The following GRM7 variants were observed in gnomAD, a reference collection of about 807,000 sequenced individuals.
GRM7 encodes glutamate metabotropic receptor 7.
A neutral mutation model predicts 84.5 loss-of-function variants in GRM7; 35 were observed. The observed-to-expected ratio is 0.41, with a 90% CI of 0.32 to 0.55. GRM7 has a LOEUF of 0.55. Among genes scored for constraint, GRM7 ranks in the 20% least tolerant of loss-of-function variants. The probability of loss-of-function intolerance (pLI) is 0.19; values close to 1 mark genes in which losing one functional copy is unlikely to be tolerated. For synonymous variants in GRM7, 487 were observed against 455.1 expected, an observed-to-expected ratio of 1.07 and a Z score of -0.89; for missense variants, 1,003 against 1,194.6, an observed-to-expected ratio of 0.84 and a Z score of 2.36.
At chr3:7,637,933 A>C (rs1169613393) in intron 8 of GRM7, among the ~76,000 whole-genome samples, 1 of 152,222 alleles carries the variant, frequency 6.6e-6, no homozygotes, top group East Asian at 1.9e-4. Context: ...CAGCAGACTC[A>C]GTAAGCTGTG....
intron 5 of GRM7, among the ~76,000 whole-genome samples, chr3:7,445,451 G>A (rs1362302941): frequency 6.6e-6 from 1 of 152,148 alleles, no homozygotes; most frequent in Non-Finnish European, 1.5e-5. Flanking sequence ...GCTTCCACAG[G>A]ACCTGGTGCA....
intron 4 of GRM7, among the ~76,000 whole-genome samples, chr3:7,340,267 T>G (rs1008330721): frequency 1.3e-5 from 2 of 152,170 alleles, no homozygotes; most frequent in African/African-American, 4.8e-5. Flanking sequence ...CACACTGCTA[T>G]TAAGAACTGC....
intron 1 of GRM7, among the ~76,000 whole-genome samples, chr3:6,949,981 T>C (rs12487884): frequency 0.23 from 35,084 of 151,954 alleles, 4,174 homozygotes; most frequent in Non-Finnish European, 0.26. Flanking sequence ...AAGTTTTTAA[T>C]TTCTTTGCCG....
chr3:6,939,705 C>T (rs1213435859), intron 1 of GRM7, among the ~76,000 whole-genome samples: 1 of 152,120 alleles, frequency 6.6e-6, no homozygotes, highest in East Asian at 1.9e-4. Flanking sequence ...CCTCAAATCC[C>T]ATCATTATCC....
At chr3:7,410,840 A>G (rs1036630673) in intron 4 of GRM7, among the ~76,000 whole-genome samples, 2 of 152,198 alleles carry the variant, frequency 1.3e-5, no homozygotes, top group African/African-American at 2.4e-5. Context: ...ACTAAGGTGT[A>G]TTCCTTTCCT....
intron 2 of GRM7, among the ~76,000 whole-genome samples, chr3:7,258,130 G>T (rs1164464650): frequency 1.3e-5 from 2 of 152,118 alleles, no homozygotes; most frequent in Non-Finnish European, 2.9e-5. Flanking sequence ...CAAAGTCTAT[G>T]ATTTAACCAT....
At chr3:7,150,496 C>T (rs1694251142) in intron 2 of GRM7, among the ~76,000 whole-genome samples, 1 of 152,072 alleles carries the variant, frequency 6.6e-6, no homozygotes, top group Non-Finnish European at 1.5e-5. Flanking sequence ...TCAAAGACAA[C>T]CTCAATACTT....
chr3:7,350,319 G>A (rs1478348903), intron 4 of GRM7, among the ~76,000 whole-genome samples: 1 of 152,074 alleles, frequency 6.6e-6, no homozygotes, highest in African/African-American at 2.4e-5. Flanking sequence ...CTGGTGGGAG[G>A]TGATTGGATC....
chr3:7,238,896 C>T lies in GRM7; in HGVS notation c.737-59788C>T, dbSNP rs182464969. On this transcript the variant is annotated intron_variant, in intron 2 of 9. Coordinates refer to ENST00000357716, the MANE Select transcript of GRM7 (RefSeq NM_000844.4). ...CTTCCCTTCTTTTCTCCTTTCCTTTCCTTTCTTTTTTCTTCTCTTTTCCTT... is the reference window on the plus strand; with the variant it reads ...CTTCCCTTCTTTTCTCCTTTCCTTTTCTTTCTTTTTTCTTCTCTTTTCCTT... 4.6e-3 allele frequency among the ~76,000 whole-genome samples: 690 copies of T among 149,666 alleles called. 5 individuals carry two copies. Among genetic ancestry groups the T allele is most frequent in the African/African-American group, 0.015 (608 of 40,786 alleles).
intron 2 of GRM7, among the ~76,000 whole-genome samples, chr3:7,225,641 A>C (rs1007087813): frequency 2.6e-5 from 4 of 150,980 alleles, no homozygotes; most frequent in Non-Finnish European, 4.4e-5. Flanking sequence ...AATTAAATTA[A>C]TTGTAAATGG....
rs536872502 is a variant in GRM7, at chr3:7,074,796, T to C, written c.520-71656T>C. 9.2e-5 allele frequency among the ~76,000 whole-genome samples: 14 copies of C among 152,332 alleles called. No individual in the cohort carries two copies. In the South Asian group the frequency reaches 2.9e-3, roughly 32 times the overall value. On this transcript the variant is annotated intron_variant, in intron 1 of 9. Transcript: ENST00000357716. ...TTAGTTGCAGATATGATTTTTGGAA[T>C]GGTTTTAATATCTACCTAGTAGGAT...
intron 9 of GRM7, among the ~76,000 whole-genome samples, chr3:7,708,135 T>C (rs1474819863): frequency 6.6e-6 from 1 of 151,944 alleles, no homozygotes; most frequent in Non-Finnish European, 1.5e-5. Context: ...AAATCTTTTT[T>C]TTTTCTCTTT....
chr3:7,327,271 ATTTC>A lies in GRM7; in HGVS notation c.1033+20623_1033+20626del, dbSNP rs201411306. Among the ~76,000 whole-genome samples the A allele has an allele frequency of 4.9e-3, 742 of 152,272 alleles. 7 individuals are homozygous for A. Among genetic ancestry groups the A allele is most frequent in the African/African-American group, 0.017 (716 of 41,576 alleles). Reference sequence around the variant, plus strand: ...ATGGGCTCCAAGTGAATATTCATGAATTTCTTTATTGCCAGATCTCAGGGTGTAC... The same window carrying A: ...ATGGGCTCCAAGTGAATATTCATGAATTTATTGCCAGATCTCAGGGTGTAC... On this transcript the variant is annotated intron_variant, in intron 4 of 9. Transcript: ENST00000357716.
At chr3:7,124,187 T>C (rs1162034438) in intron 1 of GRM7, among the ~76,000 whole-genome samples, 1 of 152,208 alleles carries the variant, frequency 6.6e-6, no homozygotes, top group East Asian at 1.9e-4. Flanking sequence ...AAATCAGAAA[T>C]TCTATATTCT....
intron 9 of GRM7, among the ~76,000 whole-genome samples, chr3:7,704,864 A>G (rs1701336736): frequency 6.6e-6 from 1 of 152,172 alleles, no homozygotes; most frequent in East Asian, 1.9e-4. Context: ...CCTCATGTTC[A>G]GGTGGATAGA....
At chr3:7,598,738 G>A (rs1288520962) in intron 8 of GRM7, among the ~76,000 whole-genome samples, 5 of 152,014 alleles carry the variant, frequency 3.3e-5, no homozygotes, top group African/African-American at 1.2e-4. Flanking sequence ...AAGTGGGCTG[G>A]GTACAGATAC....
chr3:7,369,778 A>G (rs73115509), intron 4 of GRM7, among the ~76,000 whole-genome samples: 2,575 of 152,292 alleles, frequency 0.017, 70 homozygotes, highest in African/African-American at 0.059. Context: ...CTGACACAGA[A>G]CAGGTATTCA....
chr3:6,910,907 A>G (rs900666866), intron 1 of GRM7, among the ~76,000 whole-genome samples: 1 of 151,436 alleles, frequency 6.6e-6, no homozygotes, highest in South Asian at 2.1e-4. Flanking sequence ...AGAGTTCTAT[A>G]TTGCAATAAA....
rs553169960 is a variant in GRM7 at position 7,492,009 on chromosome 3, C to A, written c.1515+30287C>A. Among the ~76,000 whole-genome samples the A allele has an allele frequency of 8.9e-4, 134 of 150,396 alleles. 2 individuals are homozygous for A. The South Asian group carries it at 0.024, about 27-fold the overall frequency. ...TGTGGCTTATTGATATGGTAGACTG[C>A]ATTGATTTATTTTTTAATGCTGAAC... On this transcript the variant is annotated intron_variant, in intron 7 of 9. Coordinates refer to ENST00000357716, the MANE Select transcript of GRM7 (RefSeq NM_000844.4).
Sources: allele counts gnomAD v4.1 joint callset (sites outside exome capture counted in the v4.1 genomes callset), GRCh38; gene constraint gnomAD v4.1.1; transcripts MANE v1.5; gene names NCBI Gene and HGNC (gene_info 2026-07-23, HGNC 2026-07-21).